The following NR2F1 variants were observed in gnomAD, a reference collection of about 807,000 sequenced individuals.
The protein encoded by NR2F1 is nuclear receptor subfamily 2 group F member 1.
In NR2F1, 1 loss-of-function variant was observed where a neutral mutation model predicts 37.7. That is an observed-to-expected ratio of 0.03 (90% confidence interval 0.01 to 0.13). The LOEUF is 0.13. NR2F1 is among the 10% of genes least tolerant of loss of function. The probability of loss-of-function intolerance (pLI) is 1.00; values close to 1 mark genes in which losing one functional copy is unlikely to be tolerated. For missense variants in NR2F1, 268 were observed against 578.4 expected, an observed-to-expected ratio of 0.46 and a Z score of 5.50; for synonymous variants, 275 against 259.6, an observed-to-expected ratio of 1.06 and a Z score of -0.57.
chr5:93,593,938 G>A lies in NR2F1; in HGVS notation c.*96G>A. On this transcript the variant is annotated 3_prime_UTR_variant, in exon 3 of 3. Transcript: ENST00000327111. The surrounding 1 kb of genome is among the most constrained non-coding windows in gnomAD (Gnocchi z 5.6). Reference sequence around the variant, plus strand: ...AGCCGCGGGGACACCGGGAAGTGCAGCGGGCCAGGCAGGCTGGGTGGGAGG... The same window carrying A: ...AGCCGCGGGGACACCGGGAAGTGCAACGGGCCAGGCAGGCTGGGTGGGAGG... The A allele has an allele frequency of 2.3e-6, 3 of 1,286,148 alleles. No individual in the cohort carries two copies. Among genetic ancestry groups the A allele is most frequent in the South Asian group, 2.8e-5 (2 of 72,368 alleles). 79.7% of individuals were successfully genotyped at this position (1,286,148 alleles called of 1,614,324 possible).
chr5:93,591,755 T>C (rs1753334930), intron 2 of NR2F1, among the ~76,000 whole-genome samples: 1 of 152,058 alleles, frequency 6.6e-6, no homozygotes, highest in Admixed American at 6.6e-5. Flanking sequence ...CTGAGAATGA[T>C]CCATAAGCAT....
At chr5:93,586,850 A>G (rs1753241705) in intron 1 of NR2F1, among the ~76,000 whole-genome samples, 1 of 152,204 alleles carries the variant, frequency 6.6e-6, no homozygotes, top group African/African-American at 2.4e-5. Context: ...TGGAACTTGC[A>G]TTAAAATTAG....
chr5:93,587,638 G>C (rs946639940), intron 1 of NR2F1: 1 of 425,466 alleles, frequency 2.4e-6, no homozygotes, highest in African/African-American at 2.0e-5. Flanking sequence ...ACACTTTCTT[G>C]ACCTTGCCAG....
chr5:93,586,347 A>G (rs1392418400), intron 1 of NR2F1, among the ~76,000 whole-genome samples: 5 of 152,216 alleles, frequency 3.3e-5, no homozygotes, highest in Non-Finnish European at 5.9e-5. Flanking sequence ...CGTAATGCAT[A>G]GACTGCAGCT....
In NR2F1 at chr5:93,588,788, C is replaced by CGT. The variant is rs1425674123; in HGVS notation, c.991+345_991+346insTG. 8.7e-5 allele frequency among the ~76,000 whole-genome samples: 13 copies of CGT among 149,828 alleles called. 1 individual carries two copies. In the South Asian group the frequency reaches 1.5e-3, roughly 17 times the overall value. On this transcript the variant is annotated intron_variant, in intron 2 of 2. Coordinates refer to ENST00000327111, the MANE Select transcript of NR2F1 (RefSeq NM_005654.6). The stretch of plus-strand genomic sequence containing the variant: ...GGATCCGTCTGGCTGCGCGCGCGCG[C>CGT]GCGCGTGTGTGTGTGTGTGTGTGTC...
At chr5:93,587,753 A>G (rs1338316277) in intron 1 of NR2F1, among the ~76,000 whole-genome samples, 164 bp from the exon 2 acceptor site, 1 of 152,228 alleles carries the variant, frequency 6.6e-6, no homozygotes, top group East Asian at 1.9e-4. Context: ...GCCTCACCCC[A>G]GATCTCCTAG....
chr5:93,588,898 G>T (rs1216158006), intron 2 of NR2F1, among the ~76,000 whole-genome samples: 1 of 152,150 alleles, frequency 6.6e-6, no homozygotes, highest in Non-Finnish European at 1.5e-5. Flanking sequence ...GGAAGAGAAC[G>T]TGGGAATGTG....
At chr5:93,585,960 G>A (rs562776659) in intron 1 of NR2F1, among the ~76,000 whole-genome samples, 1 of 152,100 alleles carries the variant, frequency 6.6e-6, no homozygotes, top group Non-Finnish European at 1.5e-5. Flanking sequence ...ATTTAAAATG[G>A]GGGAGGGCTG....
chr5:93,587,839 T>C, intron 1 of NR2F1, 78 bp from the exon 2 acceptor site: 7 of 1,428,554 alleles, frequency 4.9e-6, no homozygotes, highest in Non-Finnish European at 6.7e-6. Context: ...CTGCATTGTG[T>C]TGGGTACGCT....
chr5:93,587,902 CTT>C lies in NR2F1; in HGVS notation c.464-13_464-12del, dbSNP rs1561524768. 1 of 1,547,572 alleles carries C rather than the reference CTT, an allele frequency of 6.5e-7. No individual in the cohort carries two copies. Among genetic ancestry groups the C allele is most frequent in the Admixed American group, 1.9e-5 (1 of 52,944 alleles). On this transcript the variant is annotated splice_polypyrimidine_tract_variant and intron_variant, in intron 1 of 2. Transcript: ENST00000327111. ...TGGATGCACATTGCCTCTTTTCTCT[CTT>C]TCTTTTTGTCAGCGGTTCAGCGAGG...
At chr5:93,589,901 C>G (rs1753302317) in intron 2 of NR2F1, among the ~76,000 whole-genome samples, 1 of 152,190 alleles carries the variant, frequency 6.6e-6, no homozygotes, top group Admixed American at 6.5e-5. Context: ...TGGACTGCCC[C>G]CCTTTTACTT....
In NR2F1 at chr5:93,585,127, G is replaced by C. The variant is rs1753206342; in HGVS notation, c.104G>C (p.Gly35Ala). Residue 35 changes from glycine (G) to alanine (A), a missense_variant, in exon 1 of 3, where the codon GGC (glycine) becomes GCC (alanine). Gly to Ala is a moderately conservative substitution (Grantham distance 60). Around this residue, in one of 5 missense-constraint regions of NR2F1, gnomAD observed 90 missense variants for 106.5 expected, o/e 0.85. Coordinates refer to ENST00000327111, the MANE Select transcript of NR2F1 (RefSeq NM_005654.6). ...GCGCAGGCGGCCCGCGGCGGCGGCGGCGGCGCCGGCGAGCAGCAGCAGCAG... is the reference window on the plus strand; with the variant it reads ...GCGCAGGCGGCCCGCGGCGGCGGCGCCGGCGCCGGCGAGCAGCAGCAGCAG... ...PAAQAARGGG[G>A]GAGEQQQQAG... is the part of the protein sequence containing the mutation. 6.9e-6 allele frequency: 7 copies of C among 1,013,692 alleles called. No individual in the cohort carries two copies. Among genetic ancestry groups the C allele is most frequent in the Non-Finnish European group, 7.1e-6 (6 of 849,702 alleles). 62.8% of individuals were successfully genotyped at this position (1,013,692 alleles called of 1,614,324 possible).
rs1753164020 is a variant in NR2F1 at position 93,583,452 on chromosome 5, C to A, written c.-1572C>A. The A allele has an allele frequency of 6.6e-6, 1 of 151,354 alleles. No homozygotes were observed. The highest frequency in any genetic ancestry group is 2.4e-5 in the African/African-American group (1 of 41,042). The allele number at this position is 151,354 out of a possible 1,614,324, so 9.4% of individuals were successfully genotyped here. ...TAGTTGTTTTCCCCTTCTTCTTCTC[C>A]TTTCTCTCCTTTTTCTCCCTCCTCC... On this transcript the variant is annotated 5_prime_UTR_variant, in exon 1 of 3. Transcript: ENST00000327111.
intron 2 of NR2F1, among the ~76,000 whole-genome samples, chr5:93,589,253 G>A (rs1753290809): frequency 1.3e-5 from 2 of 152,212 alleles, no homozygotes; most frequent in African/African-American, 2.4e-5. Context: ...TTATGTGTAG[G>A]CAGTGGTAAC....
Position 93,585,054 on chromosome 5 carries a change from C to T in NR2F1, c.31C>T (p.Pro11Ser). 9.6e-7 allele frequency: 1 copy of T among 1,038,008 alleles called. No individual in the cohort carries two copies. Among genetic ancestry groups the T allele is most frequent in the Non-Finnish European group, 1.2e-6 (1 of 864,484 alleles). The allele number at this position is 1,038,008 out of a possible 1,614,324, so 64.3% of individuals were successfully genotyped here. Reference protein sequence around the residue: MAMVVSSWRDPQDDVAGGNPG... With the variant: MAMVVSSWRDSQDDVAGGNPG... The stretch of plus-strand genomic sequence containing the variant: ...AATGGTAGTTAGCAGCTGGCGAGAT[C>T]CGCAGGACGACGTGGCCGGGGGCAA... The change falls in exon 1 of 3, where the codon CCG becomes TCG. Residue 11 changes from proline (P) to serine (S), a missense_variant. By Grantham distance (74) the Pro-to-Ser change is moderately conservative (BLOSUM62 -1). Around this residue, in one of 5 missense-constraint regions of NR2F1, gnomAD observed 90 missense variants for 106.5 expected, o/e 0.85. Coordinates refer to ENST00000327111, the MANE Select transcript of NR2F1 (RefSeq NM_005654.6).
chr5:93,588,575 C>T (rs2149943288), intron 2 of NR2F1, 131 bp downstream of exon 2: 1 of 496,668 alleles, frequency 2.0e-6, no homozygotes, highest in Non-Finnish European at 2.6e-6. Flanking sequence ...GGACACTGAG[C>T]CTGGCCCGGG....
chr5:93,594,358 A>T lies in NR2F1; in HGVS notation c.*516A>T, dbSNP rs1753387106. 6.6e-6 allele frequency: 1 copy of T among 152,372 alleles called. No homozygotes were observed. Among genetic ancestry groups the T allele is most frequent in the Admixed American group, 6.5e-5 (1 of 15,294 alleles). 9.4% of individuals were successfully genotyped at this position (152,372 alleles called of 1,614,324 possible). A position where few individuals can be genotyped will look rare whatever the true frequency, so the allele number is the denominator to read the frequency against. ...AAAATTTAAACATCGTATGCGCATA[A>T]AGAAAAAGGAAACAAGAATTAGGGG... is the stretch of plus-strand genomic sequence containing the variant. On this transcript the variant is annotated 3_prime_UTR_variant, in exon 3 of 3. Transcript: ENST00000327111.
At chr5:93,586,709 A>G (rs2149942385) in intron 1 of NR2F1, among the ~76,000 whole-genome samples, 1 of 151,918 alleles carries the variant, frequency 6.6e-6, no homozygotes, top group African/African-American at 2.4e-5. Flanking sequence ...CTCCAGGGAG[A>G]TTTTGTAGGC....
Position 93,585,041 on chromosome 5 carries a change from C to A in NR2F1, c.18C>A (p.Ser6Arg). 9.7e-7 allele frequency: 1 copy of A among 1,033,872 alleles called. No individual in the cohort carries two copies. The highest frequency in any genetic ancestry group is 8.8e-5 in the East Asian group (1 of 11,402). 64.0% of individuals were successfully genotyped at this position (1,033,872 alleles called of 1,614,324 possible). A position where few individuals can be genotyped will look rare whatever the true frequency, so the allele number is the denominator to read the frequency against. Residue 6 changes from serine (S) to arginine (R), a missense_variant, in exon 1 of 3, where the codon AGC becomes AGA. By Grantham distance (110) the Ser-to-Arg change is moderately radical (BLOSUM62 -1). This residue lies in a region of NR2F1 where 90 missense variants were observed against 106.5 expected (regional missense o/e 0.85). Coordinates refer to ENST00000327111, the MANE Select transcript of NR2F1 (RefSeq NM_005654.6). ...CCAAAGATATGGCAATGGTAGTTAG[C>A]AGCTGGCGAGATCCGCAGGACGACG... MAMVV[S>R]SWRDPQDDVA...
Sources: allele counts gnomAD v4.1 joint callset (sites outside exome capture counted in the v4.1 genomes callset), GRCh38; gene constraint gnomAD v4.1.1; regional missense constraint gnomAD v4.1.1; non-coding constraint Gnocchi (gnomAD v3.1); transcripts MANE v1.5; gene names NCBI Gene and HGNC (gene_info 2026-07-23, HGNC 2026-07-21).